RBFOX1: variants seen among roughly 807,000 people sequenced by gnomAD.
RBFOX1 encodes the protein RNA binding protein fox-1 homolog 1.
Under a neutral mutation model 57.7 loss-of-function variants are expected in RBFOX1, and 8 were observed. That is an observed-to-expected ratio of 0.14 (90% CI 0.08 to 0.25). The LOEUF is 0.25. RBFOX1 is among the 10% of genes least tolerant of loss of function. The probability of loss-of-function intolerance (pLI) is 1.00; values close to 1 mark genes in which losing one functional copy is unlikely to be tolerated. For missense variants in RBFOX1, 611 were observed against 548.5 expected (o/e 1.11, Z -1.14); for synonymous variants, 326 against 222.4 (o/e 1.47, Z -4.15).
rs565148610 is a variant in RBFOX1, at chr16:5,625,422, C to A, written c.318+26461C>A. ...GAACGTGGCCATGGGTCACACAGCTCCTCAGGAGTCTGGTCGGGATTTGAA... is the reference window on the plus strand; with the variant it reads ...GAACGTGGCCATGGGTCACACAGCTACTCAGGAGTCTGGTCGGGATTTGAA... On this transcript the variant is annotated intron_variant, in intron 3 of 19. Coordinates refer to the RBFOX1 transcript ENST00000641259. Among the ~76,000 whole-genome samples the A allele has an allele frequency of 1.6e-4, 24 of 152,198 alleles. No homozygotes were observed. The East Asian group carries it at 4.4e-3, about 28-fold the overall frequency.
At chr16:5,559,231 G>A (rs1207710438) in intron 2 of RBFOX1, among the ~76,000 whole-genome samples, 1 of 146,578 alleles carries the variant, frequency 6.8e-6, no homozygotes, top group Admixed American at 6.8e-5. Flanking sequence ...TTGCCACCCA[G>A]CATGGGCAAT....
Position 7,286,261 on chromosome 16 carries a change from G to T in RBFOX1, c.28-231886G>T, listed in dbSNP as rs201955111. Among the ~76,000 whole-genome samples the T allele has an allele frequency of 4.9e-4, 75 of 152,130 alleles. 1 individual carries two copies. The East Asian group carries it at 0.014, about 28-fold the overall frequency. ...AATCGCCATTGTAAGATATGATTTT[G>T]GTTGAAGGTGACATGAGGAAATTTC... On this transcript the variant is annotated intron_variant, in intron 4 of 15. Coordinates refer to ENST00000550418, the MANE Select transcript of RBFOX1 (RefSeq NM_018723.4).
At chr16:5,930,034 G>A (rs946238949) in intron 4 of RBFOX1, among the ~76,000 whole-genome samples, 7 of 151,910 alleles carry the variant, frequency 4.6e-5, no homozygotes, top group Admixed American at 1.3e-4. Flanking sequence ...GAAAGAAGGC[G>A]GAATGGCTTG....
At chr16:6,250,437 T>G (rs1259216116) in intron 1 of RBFOX1, among the ~76,000 whole-genome samples, 1 of 152,160 alleles carries the variant, frequency 6.6e-6, no homozygotes, top group Non-Finnish European at 1.5e-5. Context: ...ATTATCTTTA[T>G]GTCAAAGAAA....
intron 1 of RBFOX1, among the ~76,000 whole-genome samples, chr16:6,118,718 CCT>C (rs138640786): frequency 0.03 from 4,449 of 146,068 alleles, 226 homozygotes; most frequent in African/African-American, 0.11. Flanking sequence ...TTTGTTTCTC[CCT>C]CTTTCTCTCT....
At chr16:7,032,818 G>A (rs1055698921) in intron 3 of RBFOX1, among the ~76,000 whole-genome samples, 1 of 152,048 alleles carries the variant, frequency 6.6e-6, no homozygotes, top group Non-Finnish European at 1.5e-5. Context: ...AATGCGTTTG[G>A]TGTCTCCAGG....
At chr16:7,697,377 C>T (rs369340553) in intron 14 of RBFOX1, among the ~76,000 whole-genome samples, 2 of 152,186 alleles carry the variant, frequency 1.3e-5, no homozygotes, top group East Asian at 1.9e-4. Flanking sequence ...AGCACCAAGG[C>T]TTTAATCCCT....
chr16:7,437,011 G>A (rs1047304529), intron 4 of RBFOX1, among the ~76,000 whole-genome samples: 22 of 152,306 alleles, frequency 1.4e-4, no homozygotes, highest in Non-Finnish European at 2.1e-4. Context: ...AACCCAGGAG[G>A]TGGAGATTGC....
chr16:7,627,553 G>T (rs987788319), intron 10 of RBFOX1, among the ~76,000 whole-genome samples: 2 of 152,194 alleles, frequency 1.3e-5, no homozygotes, highest in African/African-American at 2.4e-5. Context: ...ACAGATAGAA[G>T]ATCCAGCTCA....
At chr16:6,786,939 A>T (rs1445895898) in intron 3 of RBFOX1, among the ~76,000 whole-genome samples, 1 of 151,832 alleles carries the variant, frequency 6.6e-6, no homozygotes, top group East Asian at 1.9e-4. Context: ...ACTCTTAGGG[A>T]CCTTATCTGA....
chr16:5,433,412 G>A (rs2067814047), intron 1 of RBFOX1, among the ~76,000 whole-genome samples: 1 of 152,140 alleles, frequency 6.6e-6, no homozygotes, highest in African/African-American at 2.4e-5. Flanking sequence ...TGGTCACTCT[G>A]GCCAGTTGTA....
intron 7 of RBFOX1, among the ~76,000 whole-genome samples, chr16:7,592,486 T>C (rs576917607): frequency 1.3e-5 from 2 of 152,298 alleles, no homozygotes; most frequent in East Asian, 1.9e-4. Context: ...GGCTGTGTTC[T>C]TCCCAGTGCT....
intron 1 of RBFOX1, among the ~76,000 whole-genome samples, chr16:6,154,038 T>C (rs891347485): frequency 6.6e-6 from 1 of 152,214 alleles, no homozygotes; most frequent in African/African-American, 2.4e-5. Context: ...AAAATGAGGA[T>C]AAGTCCAGAC....
chr16:6,147,153 C>G (rs577892388), intron 1 of RBFOX1, among the ~76,000 whole-genome samples: 2 of 152,246 alleles, frequency 1.3e-5, no homozygotes, highest in South Asian at 4.1e-4. Context: ...CTTTTCCATC[C>G]CACTCCAACT....
chr16:7,032,794 C>G (rs1450403864), intron 3 of RBFOX1, among the ~76,000 whole-genome samples: 1 of 152,172 alleles, frequency 6.6e-6, no homozygotes, highest in Non-Finnish European at 1.5e-5. Context: ...CGCCTTGGGT[C>G]TACCTGAACT....
intron 3 of RBFOX1, among the ~76,000 whole-genome samples, chr16:6,906,934 G>A (rs1265038648): frequency 2.0e-5 from 3 of 152,096 alleles, no homozygotes; most frequent in African/African-American, 4.8e-5. Flanking sequence ...ATGTTGGCCA[G>A]GCTGGTCTTG....
At chr16:6,740,108 T>G (rs916769502) in intron 3 of RBFOX1, among the ~76,000 whole-genome samples, 1 of 152,154 alleles carries the variant, frequency 6.6e-6, no homozygotes, top group Non-Finnish European at 1.5e-5. Context: ...CAATACTAAT[T>G]CAGTATTTGA....
At chr16:6,508,415 T>G (rs573922688) in intron 2 of RBFOX1, among the ~76,000 whole-genome samples, 1 of 152,224 alleles carries the variant, frequency 6.6e-6, no homozygotes, top group South Asian at 2.1e-4. Flanking sequence ...ACTGTACACT[T>G]AAGAATTGTT....
At chr16:6,691,485 A>C (rs1040669281) in intron 3 of RBFOX1, among the ~76,000 whole-genome samples, 1 of 151,458 alleles carries the variant, frequency 6.6e-6, no homozygotes, top group Non-Finnish European at 1.5e-5. Context: ...TGTGGATGCC[A>C]CTCAAGTTTG....
Sources: allele counts gnomAD v4.1 joint callset (sites outside exome capture counted in the v4.1 genomes callset), GRCh38; gene constraint gnomAD v4.1.1; transcripts MANE v1.5; gene names NCBI Gene and HGNC (gene_info 2026-07-23, HGNC 2026-07-21).